The following RICTOR variants were observed in gnomAD, a reference collection of about 807,000 sequenced individuals.
RICTOR encodes the protein RPTOR independent companion of MTOR complex 2, also known as rapamycin-insensitive companion of mTOR.
RICTOR carries 49 observed loss-of-function variants against 214.9 expected under a neutral mutation model. The ratio of observed to expected loss-of-function variants is 0.23; its 90% CI spans 0.18 to 0.29. The LOEUF (loss-of-function observed/expected upper bound fraction) is 0.29, where lower values mean the gene tolerates loss of function less well. RICTOR is among the 10% of genes least tolerant of loss of function. The pLI is 1.00. For synonymous variants in RICTOR, 717 were observed against 711.3 expected (o/e 1.01, Z -0.13); for missense variants, 1,625 against 2,047.0 (o/e 0.79, Z 3.98).
In RICTOR at chr5:38,940,669, G is replaced by A. The variant is rs1358163490; in HGVS notation, c.*1635C>T. 2 of 232,724 alleles carry A rather than the reference G, an allele frequency of 8.6e-6. 1 individual carries two copies. Among genetic ancestry groups the A allele is most frequent in the Non-Finnish European group, 1.7e-5 (2 of 117,594 alleles). The allele number at this position is 232,724 out of a possible 1,614,324, so 14.4% of individuals were successfully genotyped here. A position where few individuals can be genotyped will look rare whatever the true frequency, so the allele number is the denominator to read the frequency against. On this transcript the variant is annotated 3_prime_UTR_variant, in exon 38 of 38. Coordinates refer to ENST00000357387, the MANE Select transcript of RICTOR (RefSeq NM_152756.5). Reference sequence around the variant, plus strand: ...TTGTTATAATGTAAGTTGCTACACAGTGCACATAAGAACAATTCACTGAAG... The same window carrying A: ...TTGTTATAATGTAAGTTGCTACACAATGCACATAAGAACAATTCACTGAAG...
intron 2 of RICTOR, among the ~76,000 whole-genome samples, chr5:39,036,537 T>A (rs533973258): frequency 1.3e-4 from 20 of 152,230 alleles, no homozygotes; most frequent in African/African-American, 4.6e-4. Context: ...GGATAAAGTA[T>A]CAAGACCCAT....
chr5:39,010,845 A>T (rs1340865704), intron 3 of RICTOR, among the ~76,000 whole-genome samples: 1 of 152,202 alleles, frequency 6.6e-6, no homozygotes, highest in Non-Finnish European at 1.5e-5. Context: ...TATATTCACA[A>T]AGATACAATC....
At chr5:39,005,899 G>C (rs762729446) in intron 3 of RICTOR, among the ~76,000 whole-genome samples, 9 of 152,152 alleles carry the variant, frequency 5.9e-5, no homozygotes, top group Non-Finnish European at 1.0e-4. Context: ...CTAGTCCAAG[G>C]AGGATGAAAA....
chr5:39,012,234 G>C (rs547537584), intron 3 of RICTOR, among the ~76,000 whole-genome samples: 1 of 152,212 alleles, frequency 6.6e-6, no homozygotes, highest in Admixed American at 6.5e-5. Context: ...AGTCCTCTGA[G>C]AGAACTATCA....
intron 3 of RICTOR, among the ~76,000 whole-genome samples, chr5:39,012,863 C>T (rs1376427985): frequency 1.3e-5 from 2 of 152,024 alleles, no homozygotes; most frequent in Admixed American, 1.3e-4. Context: ...AGTCACAACG[C>T]CTAGCTAAAC....
rs374477697 is a variant in RICTOR, at chr5:38,971,841, T to A, written c.972+36A>T. ...TATAATTAATTCCCACTGTTAAAGG[T>A]CCAGGAATGAAACAATCCTAATAAC... On this transcript the variant is annotated intron_variant, in intron 11 of 37. Transcript: ENST00000357387. The A allele has an allele frequency of 9.4e-6, 8 of 850,820 alleles. No individual in the cohort carries two copies. In the African/African-American group the frequency reaches 1.4e-4, roughly 14 times the overall value. 52.7% of individuals were successfully genotyped at this position (850,820 alleles called of 1,614,324 possible). A position where few individuals can be genotyped will look rare whatever the true frequency, so the allele number is the denominator to read the frequency against.
chr5:39,011,037 C>T (rs1271146132), intron 3 of RICTOR, among the ~76,000 whole-genome samples: 1 of 152,138 alleles, frequency 6.6e-6, no homozygotes, highest in Admixed American at 6.5e-5. Context: ...AAAAATGTCT[C>T]CAAGGCATGT....
intron 3 of RICTOR, among the ~76,000 whole-genome samples, chr5:39,007,597 T>G (rs1754179534): frequency 6.6e-6 from 1 of 152,000 alleles, no homozygotes; most frequent in African/African-American, 2.4e-5. Flanking sequence ...GAGGAAAAAC[T>G]TCTCAGGACC....
chr5:39,069,374 A>G lies in RICTOR; in HGVS notation c.97+4737T>C, dbSNP rs190602919. ...AGAACATAAAAATTGCTTGCTGAAC[A>G]TGAGAAAACTGAGCCAACTGTAAGG... On this transcript the variant is annotated intron_variant, in intron 2 of 37. Coordinates refer to ENST00000357387, the MANE Select transcript of RICTOR (RefSeq NM_152756.5). 3.4e-3 allele frequency among the ~76,000 whole-genome samples: 517 copies of G among 152,352 alleles called. 2 individuals are homozygous for G. Among genetic ancestry groups the G allele is most frequent in the Admixed American group, 4.4e-3 (68 of 15,308 alleles).
intron 30 of RICTOR, among the ~76,000 whole-genome samples, chr5:38,951,024 G>A (rs1226541834): frequency 6.6e-6 from 1 of 151,860 alleles, no homozygotes; most frequent in Non-Finnish European, 1.5e-5. Flanking sequence ...TATTCAGGAT[G>A]AAATTAAAGG....
At chr5:38,986,643 T>C (rs1752194387) in intron 7 of RICTOR, among the ~76,000 whole-genome samples, 1 of 152,162 alleles carries the variant, frequency 6.6e-6, no homozygotes, top group Non-Finnish European at 1.5e-5. Context: ...AAAAATGTTA[T>C]ATATCCAATC....
At chr5:39,025,524 T>C (rs1044465240) in intron 2 of RICTOR, among the ~76,000 whole-genome samples, 1 of 152,244 alleles carries the variant, frequency 6.6e-6, no homozygotes. Flanking sequence ...CAGTTCAGTA[T>C]ACTATAAAAC....
rs951884711 is a variant in RICTOR at position 38,941,479 on chromosome 5, G to A, written c.*825C>T. On this transcript the variant is annotated 3_prime_UTR_variant, in exon 38 of 38. Coordinates refer to ENST00000357387, the MANE Select transcript of RICTOR (RefSeq NM_152756.5). ...GCTTGTTCAAGTTCCTGTTTAAAGC[G>A]ATGAGATGGAAAGTTGATGAAAGTG... 4 of 231,416 alleles carry A rather than the reference G, an allele frequency of 1.7e-5. No homozygotes were observed. The highest frequency in any genetic ancestry group is 6.6e-5 in the African/African-American group (3 of 45,228). 14.3% of individuals were successfully genotyped at this position (231,416 alleles called of 1,614,324 possible).
chr5:38,988,416 T>C (rs1436999082), intron 7 of RICTOR, among the ~76,000 whole-genome samples: 1 of 152,196 alleles, frequency 6.6e-6, no homozygotes, highest in Admixed American at 6.5e-5. Flanking sequence ...TTAGCTCTTC[T>C]TGTTGTTTTG....
At chr5:39,038,536 G>A (rs7732602) in intron 2 of RICTOR, among the ~76,000 whole-genome samples, 2 of 152,066 alleles carry the variant, frequency 1.3e-5, no homozygotes, top group Non-Finnish European at 2.9e-5. Context: ...AACTGTCCCT[G>A]TTTGCAGATG....
chr5:38,944,774 G>T, intron 35 of RICTOR, 139 bp downstream of exon 35: 2 of 889,782 alleles, frequency 2.2e-6, no homozygotes, highest in African/African-American at 1.7e-5. Flanking sequence ...ATAATTAACA[G>T]TGTTAAATTG....
Position 38,949,966 on chromosome 5 carries a change from A to G in RICTOR, c.3882T>C (p.His1294=). The G allele has an allele frequency of 6.2e-7, 1 of 1,613,528 alleles. No homozygotes were observed. Among genetic ancestry groups the G allele is most frequent in the East Asian group, 2.2e-5 (1 of 44,852 alleles). ...GGGACTGTGCTCTTCTAGGAAGCGTATGAGAAGAACCTGGAGGCACCAGGG... is the reference window on the plus strand; with the variant it reads ...GGGACTGTGCTCTTCTAGGAAGCGTGTGAGAAGAACCTGGAGGCACCAGGG... ...SVSLVPPGSS[H]TLPRRAQSLK... The change falls in exon 31 of 38, where the codon CAT becomes CAC. Residue 1294 remains histidine (H), a synonymous_variant. Transcript: ENST00000357387.
At chr5:39,006,272 C>A (rs1325578994) in intron 3 of RICTOR, among the ~76,000 whole-genome samples, 1 of 152,172 alleles carries the variant, frequency 6.6e-6, no homozygotes, top group Non-Finnish European at 1.5e-5. Context: ...AACAGGTTTT[C>A]CTAGTTTTCA....
At chr5:39,003,277 T>C (rs965849932) in intron 4 of RICTOR, among the ~76,000 whole-genome samples, 1 of 152,138 alleles carries the variant, frequency 6.6e-6, no homozygotes, top group East Asian at 1.9e-4. Flanking sequence ...TATGAGAAAT[T>C]TAGTCTGCAA....
Sources: allele counts gnomAD v4.1 joint callset (sites outside exome capture counted in the v4.1 genomes callset), GRCh38; gene constraint gnomAD v4.1.1; transcripts MANE v1.5; gene names NCBI Gene and HGNC (gene_info 2026-07-23, HGNC 2026-07-21).